The following FBXO16 variants were observed in gnomAD, a reference collection of about 807,000 sequenced individuals.
The protein encoded by FBXO16 is F-box protein 16.
In FBXO16, 31 loss-of-function variants were observed where a neutral mutation model predicts 41.0. That is an observed-to-expected ratio of 0.76 (90% CI 0.57 to 1.02). FBXO16 has a LOEUF of 1.02. Among genes scored for constraint, FBXO16 ranks in the 50% least tolerant of loss-of-function variants. The probability of loss-of-function intolerance (pLI) is 0.00; values close to 1 mark genes in which losing one functional copy is unlikely to be tolerated. For missense variants in FBXO16, 361 were observed against 346.2 expected, an observed-to-expected ratio of 1.04 and a Z score of -0.34; for synonymous variants, 133 against 117.8, an observed-to-expected ratio of 1.13 and a Z score of -0.84.
chr8:28,465,785 T>G (rs904369021), intron 3 of FBXO16, among the ~76,000 whole-genome samples: 1 of 151,606 alleles, frequency 6.6e-6, no homozygotes, highest in African/African-American at 2.4e-5. Context: ...TCTCCTGTTT[T>G]GGGTTTTTGT....
chr8:28,446,020 G>A (rs1393081281), intron 7 of FBXO16, among the ~76,000 whole-genome samples: 1 of 152,096 alleles, frequency 6.6e-6, no homozygotes, highest in African/African-American at 2.4e-5. Flanking sequence ...GAGCCACAGG[G>A]CTTCGGAGCC....
At chr8:28,474,022 T>C (rs933218301) in intron 2 of FBXO16, among the ~76,000 whole-genome samples, 2 of 151,702 alleles carry the variant, frequency 1.3e-5, no homozygotes, top group African/African-American at 4.8e-5. Context: ...GAATAATTCA[T>C]ATGAAAGAAG....
chr8:28,436,232 T>C (rs1347343932), intron 7 of FBXO16, among the ~76,000 whole-genome samples: 1 of 152,170 alleles, frequency 6.6e-6, no homozygotes, highest in Non-Finnish European at 1.5e-5. Flanking sequence ...ACTTTCCATC[T>C]AGGAATTCTG....
At chr8:28,485,285 G>A (rs768000533) in intron 1 of FBXO16, among the ~76,000 whole-genome samples, 10 of 152,136 alleles carry the variant, frequency 6.6e-5, no homozygotes, top group Admixed American at 1.3e-4. Context: ...CGCTTCTCCT[G>A]GCTTAGCCTC....
intron 3 of FBXO16, among the ~76,000 whole-genome samples, chr8:28,472,200 C>T (rs1207723181): frequency 6.6e-6 from 1 of 152,162 alleles, no homozygotes; most frequent in Non-Finnish European, 1.5e-5. Flanking sequence ...AAGCAATCCT[C>T]CTGCCTTACC....
At chr8:28,440,193 C>T (rs1226973804) in intron 7 of FBXO16, among the ~76,000 whole-genome samples, 1 of 152,090 alleles carries the variant, frequency 6.6e-6, no homozygotes, top group Admixed American at 6.6e-5. Context: ...CCCTTAACCT[C>T]CTGGGCTCAA....
At chr8:28,485,219 CT>C (rs1563371978) in intron 1 of FBXO16, among the ~76,000 whole-genome samples, 2 of 152,192 alleles carry the variant, frequency 1.3e-5, no homozygotes, top group East Asian at 3.9e-4. Context: ...GTTTCCCAGG[CT>C]GCCGTACAGT....
At chr8:28,460,720 G>A (rs1290249514) in intron 4 of FBXO16, among the ~76,000 whole-genome samples, 4 of 151,684 alleles carry the variant, frequency 2.6e-5, no homozygotes, top group South Asian at 2.1e-4. Context: ...CCACCTCTGC[G>A]CCTGGCCGAC....
chr8:28,471,111 G>A (rs1803327373), intron 3 of FBXO16, among the ~76,000 whole-genome samples: 1 of 152,164 alleles, frequency 6.6e-6, no homozygotes, highest in South Asian at 2.1e-4. Context: ...GATTTGAGAG[G>A]AAGGGGATTA....
At position 28,463,634 on chromosome 8, in the gene FBXO16, C is replaced by T. The variant is rs774774236; in HGVS notation, c.320G>A (p.Arg107Gln). 17 of 1,613,874 alleles carry T rather than the reference C, an allele frequency of 1.1e-5. No homozygotes were observed. The highest frequency in any genetic ancestry group is 1.6e-4 in the Middle Eastern group (1 of 6,066). Residue 107 changes from arginine to glutamine, a missense_variant, in exon 4 of 9, where the codon CGG (arginine) becomes CAG (glutamine). Arg to Gln is a conservative substitution (Grantham distance 43, BLOSUM62 1). Transcript: ENST00000380254. ...SLYIFSFLDP[R>Q]SLCRCAQVCW... The stretch of plus-strand genomic sequence containing the variant: ...TACCTGTGCACAACGACAAAGGCTC[C>T]GAGGGTCCAGGAAAGAAAAGATGTA...
intron 7 of FBXO16, among the ~76,000 whole-genome samples, chr8:28,444,603 G>C (rs1403267780): frequency 6.7e-6 from 1 of 148,382 alleles, no homozygotes; most frequent in Admixed American, 6.8e-5. Flanking sequence ...TCAGCCTCCC[G>C]AGTAGCTTGG....
intron 1 of FBXO16, among the ~76,000 whole-genome samples, chr8:28,484,292 C>T (rs1803566038): frequency 6.6e-6 from 1 of 152,226 alleles, no homozygotes; most frequent in African/African-American, 2.4e-5. Flanking sequence ...ACAGGAACTC[C>T]TGCCTGACAG....
chr8:28,460,312 G>A (rs1022346639), intron 4 of FBXO16, among the ~76,000 whole-genome samples: 1 of 122,486 alleles, frequency 8.2e-6, no homozygotes, highest in Admixed American at 9.3e-5. Context: ...GCAGAGGCAT[G>A]ATCATAGCTT....
At chr8:28,474,333 A>G (rs1417856781) in intron 2 of FBXO16, among the ~76,000 whole-genome samples, 2 of 126,552 alleles carry the variant, frequency 1.6e-5, no homozygotes, top group African/African-American at 6.3e-5. Flanking sequence ...AAAAAAAAAA[A>G]AAAAAAAAAA....
chr8:28,487,624 A>C (rs973796023), intron 1 of FBXO16, among the ~76,000 whole-genome samples: 1 of 151,760 alleles, frequency 6.6e-6, no homozygotes, highest in African/African-American at 2.4e-5. Flanking sequence ...TGAACTCCTG[A>C]CCTCAAGTGA....
At chr8:28,454,375 A>T (rs1585903089) in intron 5 of FBXO16, among the ~76,000 whole-genome samples, 1 of 151,874 alleles carries the variant, frequency 6.6e-6, no homozygotes, top group South Asian at 2.1e-4. Flanking sequence ...AACATATGAT[A>T]ATAAAAAATA....
intron 3 of FBXO16, among the ~76,000 whole-genome samples, chr8:28,471,019 T>G (rs1311721795): frequency 6.6e-6 from 1 of 152,200 alleles, no homozygotes; most frequent in Non-Finnish European, 1.5e-5. Context: ...CTGAGATTCT[T>G]TCTCTTTTCA....
intron 1 of FBXO16, among the ~76,000 whole-genome samples, chr8:28,487,647 G>C (rs1395789096): frequency 6.6e-6 from 1 of 151,888 alleles, no homozygotes; most frequent in Non-Finnish European, 1.5e-5. Flanking sequence ...TGCCTACCTT[G>C]GCTTCCCAAA....
Position 28,428,676 on chromosome 8 carries a change from CAG to C in FBXO16, c.*49_*50del. The C allele has an allele frequency of 6.4e-6, 10 of 1,572,790 alleles. No individual in the cohort carries two copies. The highest frequency in any genetic ancestry group is 1.9e-5 in the Admixed American group (1 of 54,002). ...GCAGTGTCTGGGAGTCCCACTGACT[CAG>C]GGGGAGGCCAGGCGAGATGAGCTGG... On this transcript the variant is annotated 3_prime_UTR_variant, in exon 9 of 9. Transcript: ENST00000380254.
Sources: gnomAD v4.1 joint callset for allele counts (sites outside exome capture counted in the v4.1 genomes callset) on GRCh38, gnomAD v4.1.1 for gene constraint, MANE v1.5 for transcripts, NCBI Gene and HGNC (gene_info 2026-07-23, HGNC 2026-07-21) for gene names.